The following CRTAC1 variants were observed in gnomAD, a reference collection of about 807,000 sequenced individuals.
The protein encoded by CRTAC1 is acidic secreted protein in cartilage.
A neutral mutation model predicts 67.8 loss-of-function variants in CRTAC1; 37 were observed. The observed-to-expected ratio is 0.55, with a 90% CI of 0.42 to 0.72. CRTAC1 has a LOEUF of 0.72. Among genes scored for constraint, CRTAC1 ranks in the 30% least tolerant of loss-of-function variants. CRTAC1 has a pLI of 0.00. For missense variants in CRTAC1, 780 were observed against 931.6 expected, an observed-to-expected ratio of 0.84 and a Z score of 2.12; for synonymous variants, 348 against 371.0, an observed-to-expected ratio of 0.94 and a Z score of 0.71.
chr10:97,943,465 T>G (rs755646657), intron 2 of CRTAC1, among the ~76,000 whole-genome samples: 24 of 152,250 alleles, frequency 1.6e-4, no homozygotes, highest in African/African-American at 5.8e-4. Context: ...AATAATTCCA[T>G]CTTGTGGCCA....
intron 1 of CRTAC1, among the ~76,000 whole-genome samples, chr10:98,019,422 G>A (rs1160216644): frequency 1.3e-5 from 2 of 152,194 alleles, no homozygotes; most frequent in African/African-American, 4.8e-5. Flanking sequence ...GACACTTTTG[G>A]TTGTCACAAC....
rs75458061 is a variant in CRTAC1, at chr10:97,926,997, G to C, written c.422-3597C>G. ...TTCCAGCTAGCTTCATCCCTGAGAT[G>C]CCTGGGTCACACTCCACTGAAGCCT... On this transcript the variant is annotated intron_variant, in intron 3 of 14. Transcript: ENST00000370597. 2.7e-3 allele frequency among the ~76,000 whole-genome samples: 408 copies of C among 152,308 alleles called. 16 individuals carry two copies. In the East Asian group the frequency reaches 0.053, roughly 20 times the overall value.
chr10:97,957,901 C>G (rs1319766831), intron 2 of CRTAC1, among the ~76,000 whole-genome samples: 1 of 152,128 alleles, frequency 6.6e-6, no homozygotes, highest in African/African-American at 2.4e-5. Flanking sequence ...TAACACATAT[C>G]ATAACCTATG....
intron 11 of CRTAC1, among the ~76,000 whole-genome samples, chr10:97,890,297 G>C (rs914416691): frequency 3.5e-5 from 1 of 28,948 alleles, no homozygotes; most frequent in African/African-American, 1.6e-4. Context: ...TTGTAGAAAG[G>C]GGGGTCTCGC....
intron 14 of CRTAC1, 139 bp from the exon 15 acceptor site, chr10:97,865,853 C>T: frequency 3.9e-6 from 5 of 1,267,404 alleles, no homozygotes; most frequent in Middle Eastern, 2.8e-4. Flanking sequence ...CTCATATTTC[C>T]TGTGGGCCAT....
At chr10:97,927,787 G>A (rs1002136492) in intron 3 of CRTAC1, among the ~76,000 whole-genome samples, 6 of 152,238 alleles carry the variant, frequency 3.9e-5, no homozygotes, top group Non-Finnish European at 8.8e-5. Flanking sequence ...AAGAGCAAAC[G>A]CTCTGGCAGC....
intron 2 of CRTAC1, among the ~76,000 whole-genome samples, chr10:97,972,294 CAG>C (rs1159193057): frequency 6.6e-6 from 1 of 152,204 alleles, no homozygotes; most frequent in African/African-American, 2.4e-5. Flanking sequence ...AAGAGTCAGA[CAG>C]AGAGAGTGCA....
intron 11 of CRTAC1, among the ~76,000 whole-genome samples, chr10:97,894,137 G>A (rs2050416595): frequency 6.6e-6 from 1 of 152,164 alleles, no homozygotes; most frequent in Admixed American, 6.5e-5. Flanking sequence ...TCATAGGGTA[G>A]CAGTTGTTTG....
At chr10:98,004,378 A>C (rs1219834361) in intron 2 of CRTAC1, among the ~76,000 whole-genome samples, 2 of 152,216 alleles carry the variant, frequency 1.3e-5, no homozygotes, top group African/African-American at 4.8e-5. Context: ...ACATTGACAA[A>C]GTTCAGACCC....
rs1010953068 is a variant in CRTAC1 at position 97,993,912 on chromosome 10, A to T, written c.224+17226T>A. Among the ~76,000 whole-genome samples the T allele has an allele frequency of 3.9e-5, 6 of 152,072 alleles. 1 individual carries two copies. Among genetic ancestry groups the T allele is most frequent in the African/African-American group, 1.4e-4 (6 of 41,398 alleles). On this transcript the variant is annotated intron_variant, in intron 2 of 14. Coordinates refer to ENST00000370597, the MANE Select transcript of CRTAC1 (RefSeq NM_018058.7). ...GCTCTTGTCCGCCAGCCTGGAGTGCAATGGTGTCATCTTGGCTCACTGCAA... is the reference window on the plus strand; with the variant it reads ...GCTCTTGTCCGCCAGCCTGGAGTGCTATGGTGTCATCTTGGCTCACTGCAA...
chr10:97,873,655 G>C (rs2050115894), intron 14 of CRTAC1, among the ~76,000 whole-genome samples: 2 of 152,158 alleles, frequency 1.3e-5, no homozygotes, highest in Admixed American at 1.3e-4. Context: ...TGACTCTAGG[G>C]GATGAGATCC....
At chr10:97,900,180 C>T (rs2050513066) in intron 8 of CRTAC1, among the ~76,000 whole-genome samples, 1 of 152,196 alleles carries the variant, frequency 6.6e-6, no homozygotes, top group African/African-American at 2.4e-5. Context: ...AGCCCTTCCT[C>T]CCTAGACACA....
At chr10:97,956,271 A>G (rs1449834933) in intron 2 of CRTAC1, among the ~76,000 whole-genome samples, 1 of 152,232 alleles carries the variant, frequency 6.6e-6, no homozygotes, top group East Asian at 1.9e-4. Context: ...TAAGCACTTT[A>G]TATGCATGTT....
intron 2 of CRTAC1, among the ~76,000 whole-genome samples, chr10:97,962,001 C>A (rs1430879047): frequency 6.6e-6 from 1 of 152,148 alleles, no homozygotes; most frequent in Non-Finnish European, 1.5e-5. Flanking sequence ...GAACACAGAT[C>A]CCAGAAGACA....
intron 1 of CRTAC1, among the ~76,000 whole-genome samples, chr10:98,015,177 A>G (rs1842972448): frequency 6.6e-6 from 1 of 152,266 alleles, no homozygotes; most frequent in African/African-American, 2.4e-5. Flanking sequence ...AATAAAAGGA[A>G]AGAAATTCGG....
At chr10:98,008,158 C>T (rs935161136) in intron 2 of CRTAC1, among the ~76,000 whole-genome samples, 3 of 152,218 alleles carry the variant, frequency 2.0e-5, no homozygotes, top group Admixed American at 6.5e-5. Context: ...CCCAGGCCAG[C>T]ACCAGCCCTG....
intron 14 of CRTAC1, 37 bp downstream of exon 14, chr10:97,880,212 C>T: frequency 6.2e-7 from 1 of 1,607,078 alleles, no homozygotes; most frequent in Non-Finnish European, 8.5e-7. Context: ...AAAGCAACAT[C>T]CTTTTGCTAC....
intron 2 of CRTAC1, among the ~76,000 whole-genome samples, chr10:97,957,118 G>A (rs1167487280): frequency 6.6e-6 from 1 of 152,070 alleles, no homozygotes; most frequent in African/African-American, 2.4e-5. Flanking sequence ...CCCAGCCAGG[G>A]CACTTATGTT....
At chr10:97,906,023 G>C (rs1246764791) in intron 6 of CRTAC1, among the ~76,000 whole-genome samples, 5 of 152,198 alleles carry the variant, frequency 3.3e-5, no homozygotes, top group Non-Finnish European at 7.3e-5. Context: ...GGGTCATCAG[G>C]CTCTCTGGGA....
Sources: gnomAD v4.1 joint callset for allele counts (sites outside exome capture counted in the v4.1 genomes callset) on GRCh38, gnomAD v4.1.1 for gene constraint, MANE v1.5 for transcripts, NCBI Gene and HGNC (gene_info 2026-07-23, HGNC 2026-07-21) for gene names.